The following ACER3 variants were observed in gnomAD, a reference collection of about 807,000 sequenced individuals.
The protein encoded by ACER3 is alkaline ceramidase 3, also known as alkCDase 3.
Under a neutral mutation model 48.9 loss-of-function variants are expected in ACER3, and 16 were observed. That is an observed-to-expected ratio of 0.33 (90% CI 0.22 to 0.50). ACER3 has a LOEUF of 0.50. ACER3 is among the 20% of genes least tolerant of loss of function. ACER3 has a pLI of 0.98. For synonymous variants in ACER3, 109 were observed against 107.8 expected, an observed-to-expected ratio of 1.01 and a Z score of -0.07; for missense variants, 227 against 326.0, an observed-to-expected ratio of 0.70 and a Z score of 2.34.
At chr11:76,934,365 G>A (rs1038805794) in intron 2 of ACER3, among the ~76,000 whole-genome samples, 11 of 152,322 alleles carry the variant, frequency 7.2e-5, no homozygotes, top group African/African-American at 9.6e-5. Context: ...GTAGCCAGCC[G>A]AGATCACGCC....
At chr11:76,990,500 T>A in intron 5 of ACER3, 39 bp from the exon 6 acceptor site, 3 of 1,376,204 alleles carry the variant, frequency 2.2e-6, no homozygotes, top group Non-Finnish European at 3.1e-6. Context: ...CCCTTCATAA[T>A]GTACTTCATT....
Position 76,933,351 on chromosome 11 carries a change from A to C in ACER3, c.214+6684A>C, listed in dbSNP as rs541544052. Among the ~76,000 whole-genome samples, 9 of 144,338 alleles carry C rather than the reference A, an allele frequency of 6.2e-5. No homozygotes were observed. In the East Asian group the frequency reaches 1.8e-3, roughly 29 times the overall value. The allele number at this position is 144,338 out of a possible 152,430, so 94.7% of individuals were successfully genotyped here. ...GCAGAGGGGGATTTGGCAAGGTCAT[A>C]GGACAATAGTGGAGGGAAGGTCAGC... is the stretch of plus-strand genomic sequence containing the variant. On this transcript the variant is annotated intron_variant, in intron 2 of 10. Transcript: ENST00000532485.
rs547577682 is a variant in ACER3, at chr11:76,977,838, A to G, written c.320+1497A>G. On this transcript the variant is annotated intron_variant, in intron 4 of 10. Transcript: ENST00000532485. Reference sequence around the variant, plus strand: ...CCCTGCACTCTTGGAGTTCCAGGAAACCCCTTGCCCCTGCAGGCTTGAAAG... The same window carrying G: ...CCCTGCACTCTTGGAGTTCCAGGAAGCCCCTTGCCCCTGCAGGCTTGAAAG... 2.2e-4 allele frequency among the ~76,000 whole-genome samples: 33 copies of G among 152,162 alleles called. 1 individual carries two copies. The highest frequency in any genetic ancestry group is 2.1e-3 in the South Asian group (10 of 4,816).
chr11:76,916,943 C>G (rs1197297566), intron 1 of ACER3, among the ~76,000 whole-genome samples: 2 of 152,160 alleles, frequency 1.3e-5, no homozygotes, highest in African/African-American at 4.8e-5. Context: ...CATTCCCCTC[C>G]CCTGTAACCT....
rs1555025357 is a variant in ACER3 at position 77,024,855 on chromosome 11, T to TA, written c.*4531dup. On this transcript the variant is annotated 3_prime_UTR_variant, in exon 11 of 11. Coordinates refer to ENST00000532485, the MANE Select transcript of ACER3 (RefSeq NM_018367.7). Reference sequence around the variant, plus strand: ...AAGACTGGTCACAAGAATTTTTTTTTAAATAGAAAACCCTAAAATGCAAAT... The same window carrying TA: ...AAGACTGGTCACAAGAATTTTTTTTTAAAATAGAAAACCCTAAAATGCAAAT... 1.3e-5 allele frequency: 2 copies of TA among 152,182 alleles called. No individual in the cohort carries two copies. The highest frequency in any genetic ancestry group is 1.3e-4 in the Admixed American group (2 of 15,276). The allele number at this position is 152,182 out of a possible 1,614,324, so 9.4% of individuals were successfully genotyped here.
At chr11:76,867,986 C>CT (rs772868483) in intron 1 of ACER3, 55 of 663,346 alleles carry the variant, frequency 8.3e-5, no homozygotes, top group Non-Finnish European at 9.5e-5. Context: ...GGAACAAGGT[C>CT]TTTTTTTTCC....
chr11:76,874,641 G>T (rs1317863368), intron 1 of ACER3, among the ~76,000 whole-genome samples: 3 of 152,122 alleles, frequency 2.0e-5, no homozygotes, highest in Non-Finnish European at 4.4e-5. Flanking sequence ...CATTTAAAAG[G>T]CATTAAGTGC....
chr11:76,897,192 A>T (rs1257797492), intron 1 of ACER3, among the ~76,000 whole-genome samples: 1 of 152,152 alleles, frequency 6.6e-6, no homozygotes, highest in Non-Finnish European at 1.5e-5. Context: ...CCTGGCCTCA[A>T]GTGATCTGCC....
At chr11:76,899,711 A>G (rs186611362) in intron 1 of ACER3, among the ~76,000 whole-genome samples, 9 of 152,224 alleles carry the variant, frequency 5.9e-5, no homozygotes, top group Middle Eastern at 6.8e-3. Flanking sequence ...CTTCTAGTTT[A>G]TCTTAGTAGC....
chr11:76,930,246 T>C (rs1946957781), intron 2 of ACER3, among the ~76,000 whole-genome samples: 1 of 152,260 alleles, frequency 6.6e-6, no homozygotes, highest in African/African-American at 2.4e-5. Flanking sequence ...TTCTAGTTTA[T>C]TTGCATAGAG....
intron 2 of ACER3, among the ~76,000 whole-genome samples, chr11:76,940,932 C>T (rs1286291146): frequency 6.6e-6 from 1 of 151,814 alleles, no homozygotes; most frequent in South Asian, 2.1e-4. Flanking sequence ...AAACATTAGG[C>T]AAATTTTGCT....
At chr11:76,864,235 G>A (rs1270290242) in intron 1 of ACER3, among the ~76,000 whole-genome samples, 3 of 152,168 alleles carry the variant, frequency 2.0e-5, no homozygotes, top group African/African-American at 4.8e-5. Flanking sequence ...CTCTCATTGT[G>A]AAATAATAAG....
intron 5 of ACER3, among the ~76,000 whole-genome samples, chr11:76,986,945 A>T (rs1252547407): frequency 6.6e-6 from 1 of 152,140 alleles, no homozygotes; most frequent in Non-Finnish European, 1.5e-5. Flanking sequence ...ACTCCCCTGT[A>T]ATCGCAGCTA....
chr11:76,963,631 C>A (rs1280220489), intron 3 of ACER3, among the ~76,000 whole-genome samples: 1 of 151,348 alleles, frequency 6.6e-6, no homozygotes. Context: ...GGTCCACACC[C>A]TGTTTTTCAG....
At chr11:76,875,086 A>G (rs914159703) in intron 1 of ACER3, among the ~76,000 whole-genome samples, 7 of 144,968 alleles carry the variant, frequency 4.8e-5, no homozygotes, top group African/African-American at 1.8e-4. Context: ...ACCAAATTCT[A>G]ACATGGCATG....
chr11:76,993,701 G>A (rs967410565), intron 6 of ACER3, among the ~76,000 whole-genome samples: 4 of 152,138 alleles, frequency 2.6e-5, no homozygotes, highest in Admixed American at 6.5e-5. Context: ...ATTTTTCCAT[G>A]GACAGCCAGG....
intron 2 of ACER3, among the ~76,000 whole-genome samples, chr11:76,930,916 T>C (rs544910031): frequency 4.3e-4 from 65 of 151,788 alleles, no homozygotes; most frequent in African/African-American, 1.5e-3. Context: ...AGGGGTGGTG[T>C]GGTGCTGAAA....
chr11:76,999,081 T>TATAAATAA (rs1948976972), intron 7 of ACER3, among the ~76,000 whole-genome samples: 4 of 152,160 alleles, frequency 2.6e-5, no homozygotes, highest in African/African-American at 9.6e-5. Context: ...TGGCCTTGTT[T>TATAAATAA]TGAATATTTA....
intron 1 of ACER3, among the ~76,000 whole-genome samples, chr11:76,880,581 A>T (rs1391431851): frequency 1.3e-5 from 2 of 152,168 alleles, no homozygotes; most frequent in Non-Finnish European, 2.9e-5. Context: ...TATAAATAGG[A>T]TCAGATTCAG....
Sources: gnomAD v4.1 joint callset for allele counts (sites outside exome capture counted in the v4.1 genomes callset) on GRCh38, gnomAD v4.1.1 for gene constraint, MANE v1.5 for transcripts, NCBI Gene and HGNC (gene_info 2026-07-23, HGNC 2026-07-21) for gene names.